Variants in GRM8 observed in about 807,000 individuals in gnomAD.
GRM8 encodes glutamate metabotropic receptor 8, also known as metabotropic glutamate receptor 8.
Under a neutral mutation model 87.2 loss-of-function variants are expected in GRM8, and 47 were observed. The observed-to-expected ratio is 0.54, with a 90% CI of 0.43 to 0.69. GRM8 has a LOEUF of 0.69. Among genes scored for constraint, GRM8 ranks in the 30% least tolerant of loss-of-function variants. The probability of loss-of-function intolerance (pLI) is 0.00; values close to 1 mark genes in which losing one functional copy is unlikely to be tolerated. For synonymous variants in GRM8, 396 were observed against 404.5 expected (o/e 0.98, Z 0.25); for missense variants, 1,019 against 1,139.2 (o/e 0.89, Z 1.52).
At chr7:127,102,860 C>T (rs147809882) in intron 3 of GRM8, among the ~76,000 whole-genome samples, 2,316 of 152,280 alleles carry the variant, frequency 0.015, 26 homozygotes, top group Middle Eastern at 0.051. Context: ...AAGAGGCCAC[C>T]ATCCTCCAGA....
chr7:127,071,418 GACC>G (rs1217538019), intron 3 of GRM8, among the ~76,000 whole-genome samples: 1 of 152,090 alleles, frequency 6.6e-6, no homozygotes, highest in African/African-American at 2.4e-5. Context: ...AATGATTTAA[GACC>G]ACCTCACCCT....
At chr7:126,969,690 C>T (rs10281299) in intron 3 of GRM8, among the ~76,000 whole-genome samples, 3 of 151,940 alleles carry the variant, frequency 2.0e-5, no homozygotes, top group Non-Finnish European at 4.4e-5. Context: ...GTTAATGTTG[C>T]TATTTTTACC....
chr7:127,109,383 G>C (rs933517069), intron 2 of GRM8, among the ~76,000 whole-genome samples: 2 of 152,122 alleles, frequency 1.3e-5, no homozygotes. Flanking sequence ...CAATGTAAAG[G>C]ATAAAATACA....
intron 9 of GRM8, among the ~76,000 whole-genome samples, chr7:126,471,053 T>C (rs1805141187): frequency 6.6e-6 from 1 of 152,218 alleles, no homozygotes. Flanking sequence ...TTTTTTCTTG[T>C]AAATTTGTTT....
intron 9 of GRM8, among the ~76,000 whole-genome samples, chr7:126,485,189 G>A (rs959228550): frequency 2.0e-5 from 3 of 152,010 alleles, no homozygotes; most frequent in Admixed American, 1.3e-4. Context: ...TCTCTGTCCT[G>A]AAGAAGCTTA....
chr7:126,470,324 A>G (rs555957685), intron 9 of GRM8, among the ~76,000 whole-genome samples: 10 of 142,450 alleles, frequency 7.0e-5, no homozygotes, highest in East Asian at 2.3e-4. Context: ...ATATCTCCCA[A>G]TGCTATCCCT....
intron 6 of GRM8, among the ~76,000 whole-genome samples, chr7:126,887,351 G>T (rs1800593148): frequency 6.6e-6 from 1 of 152,064 alleles, no homozygotes; most frequent in African/African-American, 2.4e-5. Context: ...CTACTGAGCT[G>T]CCCAGAGAGC....
At chr7:127,225,908 T>C (rs1304335318) in intron 2 of GRM8, among the ~76,000 whole-genome samples, 1 of 151,974 alleles carries the variant, frequency 6.6e-6, no homozygotes, top group East Asian at 1.9e-4. Context: ...AGAATGCTTC[T>C]AAAAACTTTC....
intron 3 of GRM8, among the ~76,000 whole-genome samples, chr7:127,092,193 C>G (rs1288430634): frequency 6.6e-6 from 1 of 151,794 alleles, no homozygotes; most frequent in African/African-American, 2.4e-5. Context: ...AAGCCTCTTT[C>G]TTTTTGATTT....
intron 3 of GRM8, chr7:127,091,147 C>T (rs1824024739): frequency 6.6e-6 from 1 of 152,310 alleles, no homozygotes; most frequent in Non-Finnish European, 1.5e-5. Context: ...TCAGGATTCT[C>T]TCCTTCCTAC....
intron 2 of GRM8, among the ~76,000 whole-genome samples, chr7:127,144,409 C>T (rs928253011): frequency 6.6e-6 from 1 of 152,050 alleles, no homozygotes; most frequent in African/African-American, 2.4e-5. Context: ...TGGGAAAGCA[C>T]TACCCTTCAT....
chr7:126,763,442 CATATATATAT>C lies in GRM8; in HGVS notation c.1357+6413_1357+6422del, dbSNP rs750564318. ...AGCCACCATTATCATATGATAAATT[CATATATATAT>C]ATATATATATATATATATATACACA... On this transcript the variant is annotated intron_variant, in intron 7 of 10. Transcript: ENST00000339582. Among the ~76,000 whole-genome samples the C allele has an allele frequency of 4.2e-3, 500 of 119,920 alleles. 6 individuals carry two copies. Among genetic ancestry groups the C allele is most frequent in the African/African-American group, 0.013 (445 of 33,290 alleles). 78.7% of individuals were successfully genotyped at this position (119,920 alleles called of 152,430 possible). A position where few individuals can be genotyped will look rare whatever the true frequency, so the allele number is the denominator to read the frequency against.
intron 2 of GRM8, among the ~76,000 whole-genome samples, chr7:127,109,666 C>T (rs1488502992): frequency 1.3e-5 from 2 of 152,198 alleles, no homozygotes; most frequent in African/African-American, 4.8e-5. Context: ...AGAATCATGA[C>T]TCTGCTGGCT....
Position 127,243,431 on chromosome 7 carries a change from CA to C in GRM8, c.-228del. The C allele has an allele frequency of 1.9e-6, 1 of 528,070 alleles. No individual in the cohort carries two copies. The highest frequency in any genetic ancestry group is 3.3e-6 in the Non-Finnish European group (1 of 300,748). 32.7% of individuals were successfully genotyped at this position (528,070 alleles called of 1,614,324 possible). ...TAAGATCAACTTGCCTGGAATGGTG[CA>C]AAAATTAGAACATCTGAGGTTCTGA... On this transcript the variant is annotated 5_prime_UTR_variant, in exon 2 of 11. Transcript: ENST00000339582.
chr7:126,665,628 G>A (rs964920671), intron 7 of GRM8, among the ~76,000 whole-genome samples: 6 of 152,000 alleles, frequency 3.9e-5, no homozygotes, highest in African/African-American at 9.7e-5. Context: ...GGCGGAAGAC[G>A]CAAAAATCTA....
intron 9 of GRM8, among the ~76,000 whole-genome samples, chr7:126,449,069 C>CT (rs1215947495): frequency 4.0e-5 from 6 of 151,794 alleles, no homozygotes; most frequent in African/African-American, 1.4e-4. Flanking sequence ...AAATCATACC[C>CT]TAAGTCCACA....
chr7:126,622,557 TC>T (rs1286212008), intron 7 of GRM8, among the ~76,000 whole-genome samples: 2 of 152,096 alleles, frequency 1.3e-5, no homozygotes, highest in Non-Finnish European at 2.9e-5. Flanking sequence ...GCAACACATA[TC>T]CCAGGTCCAA....
intron 2 of GRM8, among the ~76,000 whole-genome samples, chr7:127,114,835 T>A (rs1826603697): frequency 2.0e-5 from 3 of 152,174 alleles, no homozygotes; most frequent in Non-Finnish European, 4.4e-5. Flanking sequence ...CACCTCCTTT[T>A]CATGGGTATT....
intron 7 of GRM8, among the ~76,000 whole-genome samples, chr7:126,723,137 A>C (rs996615100): frequency 4.0e-5 from 6 of 151,650 alleles, no homozygotes; most frequent in African/African-American, 1.5e-4. Context: ...AAGAGGTAGA[A>C]ATTGAAGGGC....
Sources: gnomAD v4.1 joint callset for allele counts (sites outside exome capture counted in the v4.1 genomes callset) on GRCh38, gnomAD v4.1.1 for gene constraint, MANE v1.5 for transcripts, NCBI Gene and HGNC (gene_info 2026-07-23, HGNC 2026-07-21) for gene names.